GPC5: variants seen among roughly 807,000 people sequenced by gnomAD.
GPC5 encodes glypican 5.
Under a neutral mutation model 53.9 loss-of-function variants are expected in GPC5, and 47 were observed. That is an observed-to-expected ratio of 0.87 (90% CI 0.69 to 1.11). The LOEUF is 1.11. Among genes scored for constraint, GPC5 ranks in the 50% most tolerant of loss-of-function variants. GPC5 has a pLI of 0.00. For missense variants in GPC5, 748 were observed against 713.1 expected (o/e 1.05, Z -0.56); for synonymous variants, 286 against 263.3 (o/e 1.09, Z -0.84).
At chr13:92,120,252 T>G (rs1487591140) in intron 6 of GPC5, among the ~76,000 whole-genome samples, 4 of 152,128 alleles carry the variant, frequency 2.6e-5, no homozygotes, top group Admixed American at 1.3e-4. Context: ...TTTGAAGAAG[T>G]GCCTTTCTTT....
intron 7 of GPC5, among the ~76,000 whole-genome samples, chr13:92,278,061 C>A (rs1007310686): frequency 6.6e-6 from 1 of 151,730 alleles, no homozygotes. Context: ...AACCAAAGAT[C>A]CTAGCACTCT....
intron 7 of GPC5, among the ~76,000 whole-genome samples, chr13:92,215,355 T>G (rs569820472): frequency 6.6e-6 from 1 of 152,334 alleles, no homozygotes; most frequent in African/African-American, 2.4e-5. Flanking sequence ...TGCATCACCC[T>G]TTTAATTGAG....
At chr13:91,540,648 A>G (rs1247075828) in intron 2 of GPC5, among the ~76,000 whole-genome samples, 1 of 152,234 alleles carries the variant, frequency 6.6e-6, no homozygotes, top group Non-Finnish European at 1.5e-5. Flanking sequence ...TACATATCTA[A>G]GAAATGCAGT....
chr13:92,238,026 T>C (rs1402350056), intron 7 of GPC5, among the ~76,000 whole-genome samples: 1 of 152,116 alleles, frequency 6.6e-6, no homozygotes, highest in Non-Finnish European at 1.5e-5. Context: ...GAATAACTTA[T>C]TGTATGGTTA....
At chr13:92,090,551 A>G (rs1388034889) in intron 6 of GPC5, among the ~76,000 whole-genome samples, 1 of 152,220 alleles carries the variant, frequency 6.6e-6, no homozygotes, top group Non-Finnish European at 1.5e-5. Context: ...CCCACCCTCC[A>G]GAACTGTGGA....
chr13:91,971,433 A>C (rs2040241431), intron 6 of GPC5, among the ~76,000 whole-genome samples: 1 of 152,014 alleles, frequency 6.6e-6, no homozygotes, highest in Admixed American at 6.6e-5. Context: ...AGATTCACTA[A>C]TTTTTTGAAG....
At chr13:91,618,276 G>GT (rs1406586585) in intron 2 of GPC5, among the ~76,000 whole-genome samples, 1 of 152,130 alleles carries the variant, frequency 6.6e-6, no homozygotes, top group Non-Finnish European at 1.5e-5. Flanking sequence ...TAATTTCTAA[G>GT]TGAGTGAAGG....
At chr13:92,524,791 A>C (rs1472696381) in intron 7 of GPC5, among the ~76,000 whole-genome samples, 1 of 152,146 alleles carries the variant, frequency 6.6e-6, no homozygotes, top group Non-Finnish European at 1.5e-5. Context: ...TTAGGTAGAC[A>C]TCATTAACAG....
chr13:92,106,325 AAAAAT>A (rs1324697098), intron 6 of GPC5, among the ~76,000 whole-genome samples: 5 of 152,224 alleles, frequency 3.3e-5, no homozygotes, highest in African/African-American at 1.2e-4. Context: ...GCACATTTGT[AAAAAT>A]AAAAGATTGA....
chr13:92,048,453 T>C (rs538784005), intron 6 of GPC5, among the ~76,000 whole-genome samples: 1 of 152,288 alleles, frequency 6.6e-6, no homozygotes, highest in South Asian at 2.1e-4. Context: ...GGCAGAGTTT[T>C]ATGGTGAGAA....
chr13:91,704,769 G>C (rs2036062981), intron 3 of GPC5, among the ~76,000 whole-genome samples: 1 of 152,188 alleles, frequency 6.6e-6, no homozygotes, highest in Non-Finnish European at 1.5e-5. Flanking sequence ...AGGCCAGAGT[G>C]GATAGCCAGG....
chr13:92,167,221 C>A lies in GPC5; in HGVS notation c.1561+22232C>A, dbSNP rs149225330. On this transcript the variant is annotated intron_variant, in intron 7 of 7. Transcript: ENST00000377067. ...GCAGCACTGAGGAGTGTTAACAACT[C>A]ATTGTAATCCTGTAGGCTATAGCAA... is the stretch of plus-strand genomic sequence containing the variant. 4.1e-4 allele frequency among the ~76,000 whole-genome samples: 62 copies of A among 152,182 alleles called. No homozygotes were observed. In the East Asian group the frequency reaches 6.6e-3, roughly 16 times the overall value.
chr13:92,737,766 CTT>C (rs33914729), intron 7 of GPC5, among the ~76,000 whole-genome samples: 1 of 102,134 alleles, frequency 9.8e-6, no homozygotes. Context: ...TTTTCTTTTT[CTT>C]TTTTTTTTTT....
At chr13:91,863,592 A>G (rs1446053428) in intron 5 of GPC5, among the ~76,000 whole-genome samples, 1 of 152,078 alleles carries the variant, frequency 6.6e-6, no homozygotes, top group Non-Finnish European at 1.5e-5. Flanking sequence ...TCCTATAGGG[A>G]TACCATCAAC....
At chr13:91,515,275 A>T (rs1885436485) in intron 2 of GPC5, among the ~76,000 whole-genome samples, 1 of 152,174 alleles carries the variant, frequency 6.6e-6, no homozygotes, top group Non-Finnish European at 1.5e-5. Flanking sequence ...CATTTTTTTT[A>T]AAGCAATTGA....
At chr13:92,464,594 TAAGAATACCTTGACTC>T (rs1306727723) in intron 7 of GPC5, among the ~76,000 whole-genome samples, 4 of 152,112 alleles carry the variant, frequency 2.6e-5, no homozygotes, top group Non-Finnish European at 5.9e-5. Flanking sequence ...GGTTCATAGT[TAAGAATACCTTGACTC>T]AAGAATACCT....
chr13:92,793,267 AC>A (rs1876533508), intron 7 of GPC5, among the ~76,000 whole-genome samples: 1 of 152,108 alleles, frequency 6.6e-6, no homozygotes, highest in Non-Finnish European at 1.5e-5. Context: ...AAACTGAACC[AC>A]CTGCTCCTGA....
intron 7 of GPC5, among the ~76,000 whole-genome samples, chr13:92,682,066 T>C (rs1887127562): frequency 6.6e-6 from 1 of 151,708 alleles, no homozygotes; most frequent in African/African-American, 2.4e-5. Flanking sequence ...ATAGCATGCA[T>C]CTATTTGTGT....
chr13:92,242,370 C>T (rs1045392080), intron 7 of GPC5, among the ~76,000 whole-genome samples: 5 of 152,090 alleles, frequency 3.3e-5, no homozygotes, highest in African/African-American at 1.2e-4. Context: ...GTGTCAACAA[C>T]CCTACTTGTA....
Sources: allele counts gnomAD v4.1 joint callset (sites outside exome capture counted in the v4.1 genomes callset), GRCh38; gene constraint gnomAD v4.1.1; transcripts MANE v1.5; gene names NCBI Gene and HGNC (gene_info 2026-07-23, HGNC 2026-07-21).